MAN1A2: variants seen among roughly 807,000 people sequenced by gnomAD.
The protein encoded by MAN1A2 is mannosidase alpha class 1A member 2, also known as mannosyl-oligosaccharide 1,2-alpha-mannosidase IB.
Under a neutral mutation model 75.7 loss-of-function variants are expected in MAN1A2, and 26 were observed. That is an observed-to-expected ratio of 0.34 (90% confidence interval 0.25 to 0.48). MAN1A2 has a LOEUF of 0.48. MAN1A2 is among the 20% of genes least tolerant of loss of function. The pLI is 0.99. For synonymous variants in MAN1A2, 247 were observed against 264.6 expected, an observed-to-expected ratio of 0.93 and a Z score of 0.65; for missense variants, 562 against 775.5, an observed-to-expected ratio of 0.72 and a Z score of 3.27.
chr1:117,390,377 G>C (rs55727540), intron 1 of MAN1A2, among the ~76,000 whole-genome samples: 32,797 of 151,468 alleles, frequency 0.22, 4,647 homozygotes, highest in East Asian at 0.42. Context: ...TTTAAACAAG[G>C]AATGTAAATT....
intron 5 of MAN1A2, among the ~76,000 whole-genome samples, chr1:117,439,258 C>A (rs936429882): frequency 2.6e-5 from 4 of 152,064 alleles, no homozygotes; most frequent in Admixed American, 2.0e-4. Flanking sequence ...GGTATATACC[C>A]TTATTAAGGA....
chr1:117,505,546 TA>T (rs771133042), intron 12 of MAN1A2, among the ~76,000 whole-genome samples: 38 of 151,144 alleles, frequency 2.5e-4, no homozygotes, highest in Non-Finnish European at 4.0e-4. Context: ...TCTGGAGCAA[TA>T]AAAGTGAAAA....
intron 5 of MAN1A2, among the ~76,000 whole-genome samples, chr1:117,439,923 CA>C (rs1648975258): frequency 6.6e-6 from 1 of 152,036 alleles, no homozygotes; most frequent in Non-Finnish European, 1.5e-5. Flanking sequence ...AGTAACTTAC[CA>C]AAATTTCAAA....
chr1:117,410,492 C>T (rs1647771211), intron 3 of MAN1A2, among the ~76,000 whole-genome samples: 2 of 151,702 alleles, frequency 1.3e-5, no homozygotes, highest in South Asian at 4.2e-4. Flanking sequence ...ATACCCCCCA[C>T]ATACTTAATA....
chr1:117,518,808 A>T (rs960735968), intron 12 of MAN1A2, among the ~76,000 whole-genome samples: 2 of 152,100 alleles, frequency 1.3e-5, no homozygotes, highest in African/African-American at 2.4e-5. Flanking sequence ...GAAACAATGG[A>T]TTTAAACTAT....
chr1:117,373,710 T>C (rs1296355849), intron 1 of MAN1A2, among the ~76,000 whole-genome samples: 1 of 152,108 alleles, frequency 6.6e-6, no homozygotes, highest in Non-Finnish European at 1.5e-5. Context: ...CCCAGGCTGG[T>C]CTCAAACTCC....
chr1:117,462,917 C>T (rs1649865250), intron 7 of MAN1A2, among the ~76,000 whole-genome samples: 2 of 152,090 alleles, frequency 1.3e-5, no homozygotes, highest in African/African-American at 4.8e-5. Context: ...GGGCAGTGAA[C>T]AGACCATCAA....
chr1:117,378,837 T>C (rs1557925729), intron 1 of MAN1A2, among the ~76,000 whole-genome samples: 4 of 152,162 alleles, frequency 2.6e-5, no homozygotes, highest in Admixed American at 6.5e-5. Flanking sequence ...TTCTTAATCT[T>C]TGAGTTACTT....
At chr1:117,506,625 A>G (rs1422167271) in intron 12 of MAN1A2, among the ~76,000 whole-genome samples, 1 of 151,712 alleles carries the variant, frequency 6.6e-6, no homozygotes, top group African/African-American at 2.4e-5. Context: ...AACAAATTTT[A>G]AATACATTAA....
chr1:117,458,870 A>G (rs1239646957), intron 6 of MAN1A2, among the ~76,000 whole-genome samples: 2 of 152,108 alleles, frequency 1.3e-5, no homozygotes, highest in Admixed American at 1.3e-4. Flanking sequence ...ACAAGATCCT[A>G]GAGAATGGTC....
intron 8 of MAN1A2, among the ~76,000 whole-genome samples, chr1:117,466,825 T>C (rs1331402272): frequency 2.0e-5 from 3 of 152,114 alleles, no homozygotes; most frequent in East Asian, 1.9e-4. Flanking sequence ...GGATAAGCCA[T>C]GTCTGTTCAT....
At chr1:117,443,705 A>G (rs982441716) in intron 6 of MAN1A2, among the ~76,000 whole-genome samples, 8 of 152,128 alleles carry the variant, frequency 5.3e-5, no homozygotes, top group African/African-American at 1.9e-4. Context: ...TTTCTTTGGT[A>G]TGTAAACAAA....
In MAN1A2 at chr1:117,523,082, C is replaced by A. The variant is rs749498403; in HGVS notation, c.*125C>A. ...GTCAACATGACAGGGTGAAACTATT[C>A]CCCCTAAGACTGTTCAACTTGTAGA... On this transcript the variant is annotated 3_prime_UTR_variant, in exon 13 of 13. Transcript: ENST00000356554. 8 of 994,972 alleles carry A rather than the reference C, an allele frequency of 8.0e-6. No individual in the cohort carries two copies. Among genetic ancestry groups the A allele is most frequent in the Non-Finnish European group, 7.8e-6 (5 of 644,332 alleles). 61.6% of individuals were successfully genotyped at this position (994,972 alleles called of 1,614,324 possible).
intron 3 of MAN1A2, 67 bp from the exon 4 acceptor site, chr1:117,414,646 T>TC (rs1557940181): frequency 6.6e-6 from 5 of 758,048 alleles, no homozygotes; most frequent in East Asian, 2.5e-5. Flanking sequence ...ATCTTTTTTT[T>TC]CCCCCCAAAG....
chr1:117,522,137 TACTC>T (rs1651886284), intron 12 of MAN1A2, among the ~76,000 whole-genome samples: 1 of 151,948 alleles, frequency 6.6e-6, no homozygotes, highest in East Asian at 1.9e-4. Flanking sequence ...CTAAAGAACT[TACTC>T]ATGTAACCAA....
intron 8 of MAN1A2, among the ~76,000 whole-genome samples, chr1:117,475,600 T>A (rs1650289283): frequency 6.6e-6 from 1 of 151,894 alleles, no homozygotes; most frequent in African/African-American, 2.4e-5. Flanking sequence ...CACTTAGGAG[T>A]GAGAACATGC....
intron 8 of MAN1A2, among the ~76,000 whole-genome samples, chr1:117,488,396 A>G (rs759530096): frequency 2.0e-5 from 3 of 151,958 alleles, no homozygotes; most frequent in Non-Finnish European, 4.4e-5. Flanking sequence ...GAGTTTCACC[A>G]TGTTGGCCAG....
chr1:117,410,860 G>A (rs753694064), intron 3 of MAN1A2, among the ~76,000 whole-genome samples: 13 of 151,682 alleles, frequency 8.6e-5, no homozygotes, highest in Non-Finnish European at 1.6e-4. Flanking sequence ...ATTTGCAGTA[G>A]TATCAAAAAA....
At chr1:117,433,351 C>T (rs1422689134) in intron 5 of MAN1A2, among the ~76,000 whole-genome samples, 1 of 152,130 alleles carries the variant, frequency 6.6e-6, no homozygotes, top group Admixed American at 6.5e-5. Context: ...AAGCATTTCA[C>T]ATAAGAGCTA....
Sources: allele counts gnomAD v4.1 joint callset (sites outside exome capture counted in the v4.1 genomes callset), GRCh38; gene constraint gnomAD v4.1.1; transcripts MANE v1.5; gene names NCBI Gene and HGNC (gene_info 2026-07-23, HGNC 2026-07-21).